Variants in APOH observed in about 807,000 individuals in gnomAD.
APOH encodes beta-2-glycoprotein 1.
Under a neutral mutation model 39.8 loss-of-function variants are expected in APOH, and 48 were observed. That is an observed-to-expected ratio of 1.21 (90% confidence interval 0.96 to 1.54). The LOEUF (loss-of-function observed/expected upper bound fraction) is 1.54. APOH is among the 40% of genes most tolerant of loss of function. The pLI, the probability that APOH is intolerant of heterozygous loss-of-function variation, is 0.00. For synonymous variants in APOH, 153 were observed against 151.1 expected, an observed-to-expected ratio of 1.01 and a Z score of -0.09; for missense variants, 415 against 421.2, an observed-to-expected ratio of 0.99 and a Z score of 0.13.
intron 2 of APOH, among the ~76,000 whole-genome samples, chr17:66,226,607 T>A (rs2073441108): frequency 7.6e-6 from 1 of 130,760 alleles, no homozygotes. Flanking sequence ...GGCAATAGAG[T>A]GAGACTCCGT....
At chr17:66,220,189 G>A (rs1042684829) in intron 5 of APOH, among the ~76,000 whole-genome samples, 1 of 152,102 alleles carries the variant, frequency 6.6e-6, no homozygotes, top group African/African-American at 2.4e-5. Context: ...CACCAGCCTC[G>A]CTGAAATGTC....
chr17:66,214,325 C>T (rs1433284157), intron 7 of APOH, 128 bp downstream of exon 7: 7 of 857,132 alleles, frequency 8.2e-6, no homozygotes, highest in Non-Finnish European at 1.1e-5. Context: ...TCCCAAAGTG[C>T]TGGGATTACA....
In APOH at chr17:66,223,777, G is replaced by A; in HGVS notation, c.339-3C>T. On this transcript the variant is annotated splice_polypyrimidine_tract_variant and splice_region_variant and intron_variant, in intron 3 of 7. Transcript: ENST00000205948. ...AATCAGCGCCATTCAGATAAAACCT[G>A]CAAAAGGAAAATTCATTCTATCAAG... 1.2e-6 allele frequency: 2 copies of A among 1,613,856 alleles called. No homozygotes were observed. Among genetic ancestry groups the A allele is most frequent in the Non-Finnish European group, 1.7e-6 (2 of 1,179,772 alleles).
At chr17:66,229,280 A>G (rs901965377) in intron 1 of APOH, 36 bp downstream of exon 1, 2 of 1,546,724 alleles carry the variant, frequency 1.3e-6, no homozygotes, top group African/African-American at 1.4e-5. Flanking sequence ...GGGGTTGGAT[A>G]TATTAATTAT....
chr17:66,226,651 G>C (rs1407096790), intron 2 of APOH, among the ~76,000 whole-genome samples: 2 of 150,482 alleles, frequency 1.3e-5, no homozygotes, highest in Admixed American at 1.3e-4. Flanking sequence ...GATAGTCTAA[G>C]GGTTCATCAG....
intron 6 of APOH, 146 bp from the exon 7 acceptor site, chr17:66,214,796 G>C: frequency 1.5e-6 from 1 of 661,414 alleles, no homozygotes; most frequent in Non-Finnish European, 2.6e-6. Context: ...GTAAGTAATG[G>C]TAATATGATT....
chr17:66,216,092 T>C (rs1245538772), intron 6 of APOH, among the ~76,000 whole-genome samples: 1 of 147,520 alleles, frequency 6.8e-6, no homozygotes, highest in Non-Finnish European at 1.5e-5. Flanking sequence ...CACTCGAACC[T>C]GGGAGGTGAA....
chr17:66,224,675 AGGGAAGGGAAG>A (rs2073426145), intron 3 of APOH, among the ~76,000 whole-genome samples: 5 of 47,610 alleles, frequency 1.1e-4, no homozygotes, highest in African/African-American at 4.3e-4. Flanking sequence ...AGGGAAGGGA[AGGGAAGGGAAG>A]GGAAGGGAAA....
intron 4 of APOH, among the ~76,000 whole-genome samples, chr17:66,221,542 AT>A (rs1178512731): frequency 2.0e-5 from 3 of 152,132 alleles, no homozygotes; most frequent in Admixed American, 6.5e-5. Context: ...AAAATCTTTT[AT>A]TCATATACTA....
Position 66,214,584 on chromosome 17 carries a change from T to C in APOH, c.851A>G (p.Glu284Gly). ...ATGTAGCATTCCATTCTTAAATTTT[T>C]CCTGAATCTTTACTCTCTCTCCTTG... ...VYQGERVKIQ[E>G]KFKNGMLHGD... The change falls in exon 7 of 8, where the codon GAA becomes GGA. Residue 284 changes from glutamate (E) to glycine (G), a missense_variant. Transcript: ENST00000205948. 6.2e-7 allele frequency: 1 copy of C among 1,614,080 alleles called. No individual in the cohort carries two copies. The highest frequency in any genetic ancestry group is 8.5e-7 in the Non-Finnish European group (1 of 1,179,988).
chr17:66,225,193 A>G (rs980911480), intron 3 of APOH, among the ~76,000 whole-genome samples: 9 of 152,150 alleles, frequency 5.9e-5, no homozygotes, highest in Admixed American at 5.9e-4. Flanking sequence ...TCTCACATGT[A>G]GTATTCCTTA....
chr17:66,212,260 A>G, intron 7 of APOH, 72 bp from the exon 8 acceptor site: 1 of 1,308,512 alleles, frequency 7.6e-7, no homozygotes. Context: ...TAGCTAAGCC[A>G]AACCAAATAC....
At chr17:66,223,907 A>G (rs2073418903) in intron 3 of APOH, 133 bp from the exon 4 acceptor site, 1 of 765,344 alleles carries the variant, frequency 1.3e-6, no homozygotes, top group African/African-American at 1.7e-5. Context: ...TGTCTTCCTG[A>G]CAAACTTAGT....
chr17:66,226,826 T>C (rs1567742670), intron 2 of APOH, among the ~76,000 whole-genome samples: 1 of 151,622 alleles, frequency 6.6e-6, no homozygotes, highest in African/African-American at 2.4e-5. Flanking sequence ...AAGATATGCA[T>C]GGAAAATAAA....
intron 6 of APOH, 21 bp from the exon 7 acceptor site, chr17:66,214,671 A>C: frequency 6.3e-7 from 1 of 1,592,952 alleles, no homozygotes; most frequent in South Asian, 1.1e-5. Flanking sequence ...GAATACTTGT[A>C]ATCAGGACTT....
chr17:66,220,074 G>T (rs2073388098), intron 5 of APOH, among the ~76,000 whole-genome samples: 1 of 152,118 alleles, frequency 6.6e-6, no homozygotes, highest in African/African-American at 2.4e-5. Context: ...TTAAACTTGG[G>T]TAAAGATTTT....
chr17:66,219,590 T>C (rs147349340), intron 5 of APOH, among the ~76,000 whole-genome samples: 24 of 152,294 alleles, frequency 1.6e-4, no homozygotes, highest in African/African-American at 5.5e-4. Flanking sequence ...ACTGGATATC[T>C]GTAATATCTA....
intron 5 of APOH, among the ~76,000 whole-genome samples, chr17:66,220,086 A>T (rs1055914552): frequency 2.0e-5 from 3 of 152,188 alleles, no homozygotes; most frequent in African/African-American, 7.2e-5. Flanking sequence ...AAAGATTTTT[A>T]AAATGTGTAA....
intron 6 of APOH, among the ~76,000 whole-genome samples, chr17:66,215,055 A>G (rs1434086959): frequency 6.6e-6 from 1 of 152,174 alleles, no homozygotes. Flanking sequence ...AACAGCTCAT[A>G]AATACTCTGA....
Sources: gnomAD v4.1 joint callset for allele counts (sites outside exome capture counted in the v4.1 genomes callset) on GRCh38, gnomAD v4.1.1 for gene constraint, MANE v1.5 for transcripts, NCBI Gene and HGNC (gene_info 2026-07-23, HGNC 2026-07-21) for gene names.